The following MST1R variants were observed in gnomAD, a reference collection of about 807,000 sequenced individuals.
The protein encoded by MST1R is macrophage stimulating 1 receptor.
MST1R carries 99 observed loss-of-function variants against 117.8 expected under a neutral mutation model. The ratio of observed to expected loss-of-function variants is 0.84; its 90% CI spans 0.71 to 0.99. The LOEUF is 0.99. Ranked by LOEUF, MST1R falls within the 50% of genes least tolerant of loss-of-function variation. MST1R has a pLI of 0.00. For synonymous variants in MST1R, 734 were observed against 765.3 expected (o/e 0.96, Z 0.68); for missense variants, 1,683 against 1,840.2 (o/e 0.91, Z 1.56).
chr3:49,899,560 C>CTTTTTTTTTT (rs66742220), intron 1 of MST1R: 1 of 61,904 alleles, frequency 1.6e-5, no homozygotes, highest in African/African-American at 9.7e-5. Flanking sequence ...CCCCGTACAT[C>CTTTTTTTTTT]TTTTTTTTTT....
chr3:49,887,260 T>G lies in MST1R; in HGVS notation c.*47A>C. On this transcript the variant is annotated 3_prime_UTR_variant, in exon 20 of 20. Transcript: ENST00000296474. ...TGGCCTGGCATGGCCCAGAGGCAGC[T>G]TGGGGTTAGCTCAAGGCAGCTAAGC... is the stretch of plus-strand genomic sequence containing the variant. The G allele has an allele frequency of 6.2e-7, 1 of 1,602,716 alleles. No individual in the cohort carries two copies.
Position 49,887,270 on chromosome 3 carries a change from C to G in MST1R, c.*37G>C, listed in dbSNP as rs2082189884. 1.2e-6 allele frequency: 2 copies of G among 1,608,314 alleles called. No individual in the cohort carries two copies. Among genetic ancestry groups the G allele is most frequent in the African/African-American group, 2.7e-5 (2 of 74,900 alleles). On this transcript the variant is annotated 3_prime_UTR_variant, in exon 20 of 20. Transcript: ENST00000296474. ...TGGCCCAGAGGCAGCTTGGGGTTAG[C>G]TCAAGGCAGCTAAGCAGGTCCAGCC...
rs1348554628 is a variant in MST1R at position 49,899,535 on chromosome 3, C to G, written c.1231-272G>C. ...ATCCTGATGGTGAGTTACCCCCATTCCATCCTCACAACCACCCCGTACATC... is the reference window on the plus strand; with the variant it reads ...ATCCTGATGGTGAGTTACCCCCATTGCATCCTCACAACCACCCCGTACATC... On this transcript the variant is annotated intron_variant, in intron 1 of 19. Transcript: ENST00000296474. 2.0e-5 allele frequency: 7 copies of G among 354,638 alleles called. No individual in the cohort carries two copies. The Admixed American group carries it at 3.0e-4, about 15-fold the overall frequency. The allele number at this position is 354,638 out of a possible 1,614,324, so 22.0% of individuals were successfully genotyped here. A position where few individuals can be genotyped will look rare whatever the true frequency, so the allele number is the denominator to read the frequency against.
At chr3:49,892,655 C>CT (rs1429358130) in intron 14 of MST1R, among the ~76,000 whole-genome samples, 4 of 129,628 alleles carry the variant, frequency 3.1e-5, no homozygotes, top group Non-Finnish European at 5.0e-5. Flanking sequence ...GAGATGCTGT[C>CT]TTTTTTTTAA....
chr3:49,897,651 C>G lies in MST1R; in HGVS notation c.1915G>C (p.Glu639Gln). 1 of 1,613,992 alleles carries G rather than the reference C, an allele frequency of 6.2e-7. No homozygotes were observed. Among genetic ancestry groups the G allele is most frequent in the Non-Finnish European group, 8.5e-7 (1 of 1,179,918 alleles). Residue 639 changes from glutamate (E) to glutamine (Q), a missense_variant, in exon 6 of 20, where the codon GAG becomes CAG. By Grantham distance (29) the Glu-to-Gln change is conservative. Transcript: ENST00000296474. ...GTGCCCAAGGGCTCCAGTTCACACTCAAACTCCTCTACAAAGTCTTTCCGG... is the reference window on the plus strand; with the variant it reads ...GTGCCCAAGGGCTCCAGTTCACACTGAAACTCCTCTACAAAGTCTTTCCGG... ...VPRKDFVEEFECELEPLGTQA... is the reference protein window; with the variant it reads ...VPRKDFVEEFQCELEPLGTQA...
At position 49,896,901 on chromosome 3, in the gene MST1R, AAG is replaced by A. The variant is rs2082495619; in HGVS notation, c.2184-13_2184-12del. On this transcript the variant is annotated splice_polypyrimidine_tract_variant and intron_variant, in intron 7 of 19. Coordinates refer to ENST00000296474, the MANE Select transcript of MST1R (RefSeq NM_002447.4). The stretch of plus-strand genomic sequence containing the variant: ...TGCCCCTCACTGACCCTACAGGAAC[AAG>A]AGATTGGGCTCAAGGTTACCCTCTT... The A allele has an allele frequency of 6.7e-7, 1 of 1,488,658 alleles. No homozygotes were observed. 92.2% of individuals were successfully genotyped at this position (1,488,658 alleles called of 1,614,324 possible). A position where few individuals can be genotyped will look rare whatever the true frequency, so the allele number is the denominator to read the frequency against.
chr3:49,891,660 C>T (rs2082319989), intron 15 of MST1R, 80 bp from the exon 16 acceptor site: 10 of 1,609,022 alleles, frequency 6.2e-6, no homozygotes, highest in Non-Finnish European at 8.5e-6. Flanking sequence ...ATGAAGGTCT[C>T]CTGCTCAGGG....
At chr3:49,890,687 C>T in intron 17 of MST1R, 37 bp from the exon 18 acceptor site, 1 of 1,573,522 alleles carries the variant, frequency 6.4e-7, no homozygotes, top group Non-Finnish European at 8.7e-7. Flanking sequence ...TAGGACTGGC[C>T]CTTACCAGGC....
chr3:49,897,964 T>C, intron 5 of MST1R, 87 bp downstream of exon 5: 1 of 1,582,626 alleles, frequency 6.3e-7, no homozygotes, highest in African/African-American at 1.3e-5. Flanking sequence ...CCCCCTTGCC[T>C]CTGATAAGCA....
intron 14 of MST1R, among the ~76,000 whole-genome samples, chr3:49,892,401 T>C (rs564945447): frequency 1.3e-5 from 2 of 151,916 alleles, no homozygotes; most frequent in Admixed American, 6.6e-5. Flanking sequence ...TGAAACCCCA[T>C]CTCTAGTCCC....
rs1281696758 is a variant in MST1R at position 49,898,220 on chromosome 3, G to T, written c.1720-9C>A. 6.2e-7 allele frequency: 1 copy of T among 1,613,462 alleles called. No homozygotes were observed. The highest frequency in any genetic ancestry group is 8.5e-7 in the Non-Finnish European group (1 of 1,179,902). Reference sequence around the variant, plus strand: ...CCACTGTGGGGGTGGAACTGAAATGGGGGAAACAGCCTGAGTCCTCATGTG... The same window carrying T: ...CCACTGTGGGGGTGGAACTGAAATGTGGGAAACAGCCTGAGTCCTCATGTG... On this transcript the variant is annotated splice_polypyrimidine_tract_variant and intron_variant, in intron 4 of 19. Transcript: ENST00000296474.
At chr3:49,898,478 C>T in intron 4 of MST1R, 40 bp downstream of exon 4, 1 of 1,601,464 alleles carries the variant, frequency 6.2e-7, no homozygotes. Context: ...CAGGCCCAGC[C>T]TGTCCCACTC....
In MST1R at chr3:49,891,773, T is replaced by C. The variant is rs748429737; in HGVS notation, c.3337A>G (p.Ile1113Val). The C allele has an allele frequency of 5.0e-6, 8 of 1,614,114 alleles. No individual in the cohort carries two copies. The South Asian group carries it at 8.8e-5, about 18-fold the overall frequency. Residue 1113 changes from isoleucine to valine, a missense_variant, in exon 15 of 20, where the codon ATC becomes GTC. Physicochemically the swap from Ile to Val is conservative, Grantham distance 29 (BLOSUM62 3). Coordinates refer to ENST00000296474, the MANE Select transcript of MST1R (RefSeq NM_002447.4). The part of the protein sequence containing the change: ...DQAQNRIQCA[I>V]KSLSRITEMQ... ...CCCCACTTACGACTTAGTGACTTGATGGCACATTGGATTCGATTCTGGGCC... is the reference window on the plus strand; with the variant it reads ...CCCCACTTACGACTTAGTGACTTGACGGCACATTGGATTCGATTCTGGGCC...
rs181006285 is a variant in MST1R, at chr3:49,894,147, G to A, written c.3271+1020C>T. 4.5e-3 allele frequency among the ~76,000 whole-genome samples: 676 copies of A among 151,378 alleles called. 5 individuals carry two copies. Among genetic ancestry groups the A allele is most frequent in the Middle Eastern group, 0.014 (4 of 294 alleles). On this transcript the variant is annotated intron_variant, in intron 14 of 19. Coordinates refer to ENST00000296474, the MANE Select transcript of MST1R (RefSeq NM_002447.4). The stretch of plus-strand genomic sequence containing the variant: ...GGAGAATCACTTGAACCCGGGAGGA[G>A]GAGGTTGCAATGAGCCGAGATCGCG...
At position 49,887,079 on chromosome 3, in the gene MST1R, C is replaced by T; in HGVS notation, c.*228G>A. 2 of 610,560 alleles carry T rather than the reference C, an allele frequency of 3.3e-6. No homozygotes were observed. The highest frequency in any genetic ancestry group is 4.4e-4 in the Middle Eastern group (1 of 2,254). 37.8% of individuals were successfully genotyped at this position (610,560 alleles called of 1,614,324 possible). On this transcript the variant is annotated 3_prime_UTR_variant, in exon 20 of 20. Coordinates refer to ENST00000296474, the MANE Select transcript of MST1R (RefSeq NM_002447.4). ...TGTGGTCACTGCTGAGTCCACTGTG[C>T]CCAGAAGACAGGGTCCACAGCAGGC...
intron 1 of MST1R, among the ~76,000 whole-genome samples, chr3:49,902,028 C>A (rs1434916529): frequency 6.6e-6 from 1 of 151,994 alleles, no homozygotes; most frequent in Admixed American, 6.6e-5. Flanking sequence ...AGGGAATGCC[C>A]ATCATTCTAC....
rs991245284 is a variant in MST1R at position 49,903,870 on chromosome 3, C to T, written c.-261G>A. On this transcript the variant is annotated 5_prime_UTR_variant, in exon 1 of 20. Transcript: ENST00000296474. ...ACCTGCCGCCCCAGCCGCCGCTGTA[C>T]ACTGGCGCTTAGCGCTCAGCCGACC... 36 of 491,086 alleles carry T rather than the reference C, an allele frequency of 7.3e-5. No homozygotes were observed. The highest frequency in any genetic ancestry group is 7.3e-4 in the African/African-American group (36 of 49,480). 30.4% of individuals were successfully genotyped at this position (491,086 alleles called of 1,614,324 possible). A position where few individuals can be genotyped will look rare whatever the true frequency, so the allele number is the denominator to read the frequency against.
intron 2 of MST1R, 34 bp downstream of exon 2, chr3:49,899,041 C>A (rs2082578449): frequency 6.2e-7 from 1 of 1,613,992 alleles, no homozygotes; most frequent in Non-Finnish European, 8.5e-7. Flanking sequence ...AGACAAGGAC[C>A]CAGGGCTAGG....
At chr3:49,898,808 G>T in intron 3 of MST1R, 59 bp downstream of exon 3, 1 of 1,610,484 alleles carries the variant, frequency 6.2e-7, no homozygotes, top group Non-Finnish European at 8.5e-7. Context: ...TCCCTGGATT[G>T]GATGGAGAGT....
Sources: allele counts gnomAD v4.1 joint callset (sites outside exome capture counted in the v4.1 genomes callset), GRCh38; gene constraint gnomAD v4.1.1; transcripts MANE v1.5; gene names NCBI Gene and HGNC (gene_info 2026-07-23, HGNC 2026-07-21).